PAPPA2: variants seen among roughly 807,000 people sequenced by gnomAD.
The protein encoded by PAPPA2 is pappalysin 2.
A neutral mutation model predicts 176.4 loss-of-function variants in PAPPA2; 86 were observed. That is an observed-to-expected ratio of 0.49 (90% CI 0.41 to 0.58). PAPPA2 has a LOEUF of 0.58. Ranked by LOEUF, PAPPA2 falls within the 20% of genes least tolerant of loss-of-function variation. PAPPA2 has a pLI of 0.00. For missense variants in PAPPA2, 2,073 were observed against 2,256.9 expected (o/e 0.92, Z 1.65); for synonymous variants, 809 against 852.2 (o/e 0.95, Z 0.88).
chr1:176,711,839 G>C lies in PAPPA2; in HGVS notation c.3656G>C (p.Cys1219Ser). 2 of 1,600,604 alleles carry C rather than the reference G, an allele frequency of 1.2e-6. No individual in the cohort carries two copies. The highest frequency in any genetic ancestry group is 1.7e-6 in the Non-Finnish European group (2 of 1,168,648). ...TTGGTTGAAATTGTATTTCAGATTT[G>C]CACATCATACCATCCAGATTTACCC... ...LVTGEPHSLI[C>S]TSYHPDLPNH... The change falls in exon 12 of 23, where the codon TGC (cysteine) becomes TCC (serine). Residue 1219 changes from cysteine to serine, a missense_variant. By Grantham distance (112) the Cys-to-Ser change is moderately radical (BLOSUM62 -1). Around this residue, in one of 4 missense-constraint regions of PAPPA2, gnomAD observed 846 missense variants for 857.9 expected, o/e 0.99. Coordinates refer to ENST00000367662, the MANE Select transcript of PAPPA2 (RefSeq NM_020318.3).
At chr1:176,797,498 A>T (rs1374709086) in intron 20 of PAPPA2, among the ~76,000 whole-genome samples, 1 of 152,010 alleles carries the variant, frequency 6.6e-6, no homozygotes. Flanking sequence ...AAATTTTTTA[A>T]AATTAGCCTG....
chr1:176,584,264 G>A (rs558116390), intron 2 of PAPPA2, among the ~76,000 whole-genome samples: 1 of 152,224 alleles, frequency 6.6e-6, no homozygotes, highest in South Asian at 2.1e-4. Flanking sequence ...ATGGGTATTG[G>A]GGTCTAGCTC....
At chr1:176,530,148 AG>A (rs1422191817) in intron 1 of PAPPA2, among the ~76,000 whole-genome samples, 16 of 152,326 alleles carry the variant, frequency 1.1e-4, no homozygotes, top group Non-Finnish European at 4.4e-5. Flanking sequence ...CAGGAGGCCC[AG>A]GGTCCTGGCT....
chr1:176,610,509 TA>T (rs1459481936), intron 3 of PAPPA2, among the ~76,000 whole-genome samples: 2 of 152,148 alleles, frequency 1.3e-5, no homozygotes. Flanking sequence ...ATGTAGTCAT[TA>T]AAAATATCTC....
Position 176,793,626 on chromosome 1 carries a change from C to T in PAPPA2, c.5087C>T (p.Thr1696Ile), listed in dbSNP as rs1434154742. 2 of 1,613,026 alleles carry T rather than the reference C, an allele frequency of 1.2e-6. No individual in the cohort carries two copies. Among genetic ancestry groups the T allele is most frequent in the Non-Finnish European group, 1.7e-6 (2 of 1,179,306 alleles). The change falls in exon 20 of 23, where the codon ACT becomes ATT. Residue 1696 changes from threonine (T) to isoleucine (I), a missense_variant. Physicochemically the swap from Thr to Ile is moderately conservative, Grantham distance 89. Transcript: ENST00000367662. ...CCCGTGATGCTACCTGAGAATATCACTGCTGACACTCTGGAGCACTGGATG... is the reference window on the plus strand; with the variant it reads ...CCCGTGATGCTACCTGAGAATATCATTGCTGACACTCTGGAGCACTGGATG... ...SDPVMLPENI[T>I]ADTLEHWMEP...
chr1:176,478,481 T>A (rs543162016), intron 1 of PAPPA2, among the ~76,000 whole-genome samples: 1 of 152,302 alleles, frequency 6.6e-6, no homozygotes, highest in African/African-American at 2.4e-5. Context: ...CCTACTGATG[T>A]CATGAGGACT....
At position 176,559,172 on chromosome 1, in the gene PAPPA2, G is replaced by A. The variant is rs1261438972; in HGVS notation, c.919+1931G>A. On this transcript the variant is annotated intron_variant, in intron 2 of 22. Coordinates refer to ENST00000367662, the MANE Select transcript of PAPPA2 (RefSeq NM_020318.3). The stretch of plus-strand genomic sequence containing the variant: ...ACTCAGATCCTTCTCTAAAGTGCCC[G>A]TCTGAACTCTTTTAACCGTAAGCAT... Among the ~76,000 whole-genome samples the A allele has an allele frequency of 5.9e-5, 9 of 152,250 alleles. No individual in the cohort carries two copies. The South Asian group carries it at 8.3e-4, about 14-fold the overall frequency.
In PAPPA2 at chr1:176,793,604, G is replaced by A. The variant is rs199980590; in HGVS notation, c.5065G>A (p.Val1689Met). The change falls in exon 20 of 23, where the codon GTG (valine) becomes ATG (methionine). Residue 1689 changes from valine (V) to methionine (M), a missense_variant. Around this residue, in one of 4 missense-constraint regions of PAPPA2, gnomAD observed 846 missense variants for 857.9 expected, o/e 0.99. Coordinates refer to ENST00000367662, the MANE Select transcript of PAPPA2 (RefSeq NM_020318.3). ...GTGTGTAATCCCCCCCAGTGACCCC[G>A]TGATGCTACCTGAGAATATCACTGC... ...PLCVIPPSDP[V>M]MLPENITADT... The A allele has an allele frequency of 7.4e-6, 12 of 1,613,246 alleles. No homozygotes were observed. The highest frequency in any genetic ancestry group is 2.2e-5 in the East Asian group (1 of 44,858).
At chr1:176,471,957 G>A (rs1326103213) in intron 1 of PAPPA2, among the ~76,000 whole-genome samples, 2 of 152,108 alleles carry the variant, frequency 1.3e-5, no homozygotes, top group East Asian at 3.8e-4. Flanking sequence ...TATCTCTTTG[G>A]CAAGGATATG....
intron 3 of PAPPA2, among the ~76,000 whole-genome samples, chr1:176,629,111 C>CAAAA (rs1285675790): frequency 6.6e-6 from 1 of 152,182 alleles, no homozygotes; most frequent in Non-Finnish European, 1.5e-5. Flanking sequence ...TATACAGTAT[C>CAAAA]AGAGCCAGCC....
intron 14 of PAPPA2, among the ~76,000 whole-genome samples, chr1:176,747,983 A>T (rs1662984233): frequency 6.6e-6 from 1 of 152,234 alleles, no homozygotes; most frequent in South Asian, 2.1e-4. Flanking sequence ...TGTTTCTTCA[A>T]AGCCAACAAG....
intron 1 of PAPPA2, among the ~76,000 whole-genome samples, chr1:176,485,422 GCTTCC>G (rs1652602671): frequency 6.6e-6 from 1 of 151,964 alleles, no homozygotes; most frequent in South Asian, 2.1e-4. Flanking sequence ...TTGCACCTAT[GCTTCC>G]CTGTGCCTAG....
chr1:176,639,886 G>T (rs1343998255), intron 3 of PAPPA2, among the ~76,000 whole-genome samples: 1 of 151,504 alleles, frequency 6.6e-6, no homozygotes, highest in Non-Finnish European at 1.5e-5. Flanking sequence ...TTTAATCAGT[G>T]TAGCAATTAC....
chr1:176,579,077 G>T (rs1224187455), intron 2 of PAPPA2, among the ~76,000 whole-genome samples: 1 of 152,140 alleles, frequency 6.6e-6, no homozygotes, highest in East Asian at 1.9e-4. Flanking sequence ...CTTGTGGTCA[G>T]GTGACTCCAT....
At chr1:176,754,197 G>T (rs1224989179) in intron 14 of PAPPA2, among the ~76,000 whole-genome samples, 1 of 152,084 alleles carries the variant, frequency 6.6e-6, no homozygotes, top group East Asian at 1.9e-4. Flanking sequence ...AACTAGCTGG[G>T]TGGAAGCTTT....
rs548746888 is a variant in PAPPA2, at chr1:176,584,651, T to G, written c.920-9873T>G. ...TGATTGTTTCTCATTGTTTTGTATATTCTTTATTTCTTACTTTCTCTCTTT... is the reference window on the plus strand; with the variant it reads ...TGATTGTTTCTCATTGTTTTGTATAGTCTTTATTTCTTACTTTCTCTCTTT... On this transcript the variant is annotated intron_variant, in intron 2 of 22. Coordinates refer to ENST00000367662, the MANE Select transcript of PAPPA2 (RefSeq NM_020318.3). Among the ~76,000 whole-genome samples the G allele has an allele frequency of 1.0e-4, 15 of 148,232 alleles. No homozygotes were observed. The East Asian group carries it at 2.9e-3, about 29-fold the overall frequency.
At chr1:176,793,394 C>T (rs1665271024) in intron 19 of PAPPA2, among the ~76,000 whole-genome samples, 166 bp from the exon 20 acceptor site, 2 of 152,064 alleles carry the variant, frequency 1.3e-5, no homozygotes, top group Admixed American at 1.3e-4. Context: ...GAAGGTATTC[C>T]TACAGGAACA....
chr1:176,603,467 G>A (rs2102665229), intron 3 of PAPPA2, among the ~76,000 whole-genome samples: 1 of 152,252 alleles, frequency 6.6e-6, no homozygotes, highest in South Asian at 2.1e-4. Context: ...GCCGTCAGGG[G>A]TTTTTCTGAG....
At chr1:176,666,436 C>T (rs1338428115) in intron 3 of PAPPA2, among the ~76,000 whole-genome samples, 1 of 151,886 alleles carries the variant, frequency 6.6e-6, no homozygotes, top group Non-Finnish European at 1.5e-5. Flanking sequence ...AAAATTATTC[C>T]TTTAAGAAGT....
Sources: gnomAD v4.1 joint callset for allele counts (sites outside exome capture counted in the v4.1 genomes callset) on GRCh38, gnomAD v4.1.1 for gene constraint, gnomAD v4.1.1 regional missense constraint, MANE v1.5 for transcripts, NCBI Gene and HGNC (gene_info 2026-07-23, HGNC 2026-07-21) for gene names.